Variants in ANKLE2 observed in about 807,000 individuals in gnomAD.
ANKLE2 encodes the protein ankyrin repeat and LEM domain containing 2.
In ANKLE2, 55 loss-of-function variants were observed where a neutral mutation model predicts 84.2. The ratio of observed to expected loss-of-function variants is 0.65; its 90% CI spans 0.53 to 0.82. ANKLE2 has a LOEUF of 0.82. Among genes scored for constraint, ANKLE2 ranks in the 40% least tolerant of loss-of-function variants. The pLI is 0.00. For synonymous variants in ANKLE2, 551 were observed against 486.1 expected, an observed-to-expected ratio of 1.13 and a Z score of -1.76; for missense variants, 1,238 against 1,201.9, an observed-to-expected ratio of 1.03 and a Z score of -0.44.
chr12:132,740,059 G>A (rs960618273), intron 7 of ANKLE2, among the ~76,000 whole-genome samples: 4 of 152,248 alleles, frequency 2.6e-5, no homozygotes, highest in African/African-American at 4.8e-5. Context: ...TAATGTCAGC[G>A]TTGCAAAGCA....
intron 2 of ANKLE2, among the ~76,000 whole-genome samples, chr12:132,752,233 G>A (rs1176332959): frequency 1.3e-5 from 2 of 152,110 alleles, no homozygotes; most frequent in Non-Finnish European, 2.9e-5. Context: ...CTAGCTACTC[G>A]GGAGGCTGCA....
Position 132,748,108 on chromosome 12 carries a change from CACCTGCCCGAGGGAACCGCCGAGACCT to C in ANKLE2, c.1041+3_1041+29del. On this transcript the variant is annotated splice_donor_5th_base_variant and intron_variant, in intron 4 of 12. Transcript: ENST00000357997. ...CTGCGATGGAACGGCCGGGACCGCA[CACCTGCCCGAGGGAACCGCCGAGACCT>C]ACCTGCACGATAGTGGGGTTGTCTC... 1 of 1,608,916 alleles carries C rather than the reference CACCTGCCCGAGGGAACCGCCGAGACCT, an allele frequency of 6.2e-7. No homozygotes were observed.
chr12:132,737,363 C>T (rs1028986693), intron 7 of ANKLE2: 5 of 313,668 alleles, frequency 1.6e-5, no homozygotes, highest in African/African-American at 6.3e-5. Flanking sequence ...ACTAAGGGGT[C>T]GGACCTGAGT....
In ANKLE2 at chr12:132,743,400, C is replaced by T. The variant is rs2136145740; in HGVS notation, c.1231-124G>A. 6 of 1,271,860 alleles carry T rather than the reference C, an allele frequency of 4.7e-6. No individual in the cohort carries two copies. Among genetic ancestry groups the T allele is most frequent in the South Asian group, 1.8e-5 (1 of 54,626 alleles). 78.8% of individuals were successfully genotyped at this position (1,271,860 alleles called of 1,614,324 possible). ...TTATTTTGAGACGGAGTCTCACTGG[C>T]GTGATCTTGGCTCACTGCAACCTCT... On this transcript the variant is annotated intron_variant, in intron 5 of 12. Coordinates refer to ENST00000357997, the MANE Select transcript of ANKLE2 (RefSeq NM_015114.3). The surrounding 1 kb of genome is among the most constrained non-coding windows in gnomAD (Gnocchi z 4.1).
intron 5 of ANKLE2, among the ~76,000 whole-genome samples, chr12:132,744,380 C>T (rs896067030): frequency 1.3e-5 from 2 of 152,158 alleles, no homozygotes; most frequent in African/African-American, 4.8e-5. Flanking sequence ...GTGAAGTGTC[C>T]GGTGGCATCG....
In ANKLE2 at chr12:132,730,102, T is replaced by C; in HGVS notation, c.2060A>G (p.Glu687Gly). The change falls in exon 11 of 13, where the codon GAA becomes GGA. Residue 687 changes from glutamate to glycine, a missense_variant. Glu to Gly is a moderately conservative substitution (Grantham distance 98). Around this residue, in one of 3 missense-constraint regions of ANKLE2, gnomAD observed 802 missense variants for 774.5 expected, o/e 1.04. Coordinates refer to ENST00000357997, the MANE Select transcript of ANKLE2 (RefSeq NM_015114.3). The stretch of plus-strand genomic sequence containing the variant: ...GTGTGGACCTCCCGGCTCGGCGGCT[T>C]CTATGAGGTCTGCCTCCTGCTCCAA... ...FPLEQEADLI[E>G]AAEPGGPHSS... 6.2e-7 allele frequency: 1 copy of C among 1,612,472 alleles called. No individual in the cohort carries two copies. The highest frequency in any genetic ancestry group is 2.2e-5 in the East Asian group (1 of 44,858).
chr12:132,734,741 T>G, intron 9 of ANKLE2, 166 bp from the exon 10 acceptor site: 1 of 675,610 alleles, frequency 1.5e-6, no homozygotes, highest in Non-Finnish European at 2.4e-6. Flanking sequence ...GTGCATTTTC[T>G]GAAACAGCAC....
Position 132,730,007 on chromosome 12 carries a change from G to T in ANKLE2, c.2155C>A (p.Pro719Thr), listed in dbSNP as rs201453405. The T allele has an allele frequency of 8.7e-5, 141 of 1,613,286 alleles. No individual in the cohort carries two copies. Among genetic ancestry groups the T allele is most frequent in the Non-Finnish European group, 1.2e-4 (136 of 1,179,918 alleles). ...GGCAGATGGGCTTCCTCCCCACGGG[G>T]GGCCTTTGGTCTCTTGCCCGCCAGG... ...RTLAGKRPKA[P>T]RGEEAHLPPV... Residue 719 changes from proline (P) to threonine (T), a missense_variant, in exon 11 of 13, where the codon CCC becomes ACC. This residue lies in a region of ANKLE2 where 802 missense variants were observed against 774.5 expected (regional missense o/e 1.04). Transcript: ENST00000357997.
intron 11 of ANKLE2, 63 bp downstream of exon 11, chr12:132,729,616 G>A: frequency 2.6e-6 from 1 of 388,238 alleles, no homozygotes. Context: ...GGAGGTGAGG[G>A]GAGGGGGAGG....
rs764605012 is a variant in ANKLE2 at position 132,730,254 on chromosome 12, G to A, written c.1908C>T (p.Ser636=). 14 of 1,562,420 alleles carry A rather than the reference G, an allele frequency of 9.0e-6. No homozygotes were observed. The highest frequency in any genetic ancestry group is 4.5e-5 in the East Asian group (2 of 44,356). Residue 636 remains serine, a synonymous_variant, in exon 11 of 13, where the codon TCC becomes TCT. Coordinates refer to ENST00000357997, the MANE Select transcript of ANKLE2 (RefSeq NM_015114.3). ...CATCTTCATCTAGAAACGCCCTCAC[G>A]GAAATGGAATTGCTGCCTGTGAGGA... is the stretch of plus-strand genomic sequence containing the variant. ...KATTSGSNSI[S]VRAFLDEDDM...
chr12:132,751,511 G>A (rs1357274125), intron 2 of ANKLE2, among the ~76,000 whole-genome samples: 4 of 152,004 alleles, frequency 2.6e-5, no homozygotes, highest in Admixed American at 2.6e-4. Context: ...AGAGTGCTGG[G>A]ATTACAGGTG....
Position 132,741,456 on chromosome 12 carries a change from AG to A in ANKLE2, c.1382del (p.Ser461LeufsTer4). 1 of 1,614,252 alleles carries A rather than the reference AG, an allele frequency of 6.2e-7. No individual in the cohort carries two copies. The highest frequency in any genetic ancestry group is 8.5e-7 in the Non-Finnish European group (1 of 1,180,052). On this transcript the variant is annotated frameshift_variant, in exon 7 of 13. Transcript: ENST00000357997. LOFTEE classifies it high-confidence loss of function. Reference protein sequence around the residue: ...DVICERSKNKSVELKERIREY... With the variant: ...DVICERSKNKXVELKERIREY... Reference sequence around the variant, plus strand: ...CTCTGATCCGCTCCTTCAGTTCCACAGATTTATTTTTGCTTCTTTCACAAAT... The same window carrying A: ...CTCTGATCCGCTCCTTCAGTTCCACAATTTATTTTTGCTTCTTTCACAAAT...
chr12:132,736,985 C>A lies in ANKLE2; in HGVS notation c.1501G>T (p.Ala501Ser). ...IGELWSPDQT[A>S]EASHVSRYGG... ...TAGCGGCTGACGTGAGAGGCCTCAG[C>A]CGTCTGGTCTGGGGACCACAGCTCC... The change falls in exon 8 of 13, where the codon GCT (alanine) becomes TCT (serine). Residue 501 changes from alanine to serine, a missense_variant. Coordinates refer to ENST00000357997, the MANE Select transcript of ANKLE2 (RefSeq NM_015114.3). The A allele has an allele frequency of 6.2e-7, 1 of 1,613,846 alleles. No homozygotes were observed. The highest frequency in any genetic ancestry group is 2.2e-5 in the East Asian group (1 of 44,872).
chr12:132,732,608 C>T (rs1468416803), intron 10 of ANKLE2, among the ~76,000 whole-genome samples: 1 of 134,214 alleles, frequency 7.5e-6, no homozygotes, highest in South Asian at 2.4e-4. Context: ...GTGTGAAGCT[C>T]TCTGCGTCCT....
Position 132,727,218 on chromosome 12 carries a change from C to A in ANKLE2, c.*24G>T. On this transcript the variant is annotated 3_prime_UTR_variant, in exon 13 of 13. Transcript: ENST00000357997. Reference sequence around the variant, plus strand: ...CCCTTCCTTCTTTAAAAATGAAGAACAAACCGAGAGCCCAGCGCCAAGCCT... The same window carrying A: ...CCCTTCCTTCTTTAAAAATGAAGAAAAAACCGAGAGCCCAGCGCCAAGCCT... 1 of 1,515,010 alleles carries A rather than the reference C, an allele frequency of 6.6e-7. No homozygotes were observed. The highest frequency in any genetic ancestry group is 1.2e-5 in the South Asian group (1 of 81,158). 93.8% of individuals were successfully genotyped at this position (1,515,010 alleles called of 1,614,324 possible). A position where few individuals can be genotyped will look rare whatever the true frequency, so the allele number is the denominator to read the frequency against.
At chr12:132,755,266 G>A in intron 1 of ANKLE2, 133 bp from the exon 2 acceptor site, 3 of 844,122 alleles carry the variant, frequency 3.6e-6, no homozygotes, top group Non-Finnish European at 5.3e-6. Context: ...TTTCTTGGCT[G>A]GACGCGGTGG....
At position 132,732,401 on chromosome 12, in the gene ANKLE2, A is replaced by G. The variant is rs1403353152; in HGVS notation, c.1891+1984T>C. The stretch of plus-strand genomic sequence containing the variant: ...AGCGCTCTGCGTGCTGGTGTCTGAT[A>G]CGCACCGTGTGAAGCTCTCTGCGTC... On this transcript the variant is annotated intron_variant, in intron 10 of 12. Coordinates refer to ENST00000357997, the MANE Select transcript of ANKLE2 (RefSeq NM_015114.3). Among the ~76,000 whole-genome samples, 114 of 134,384 alleles carry G rather than the reference A, an allele frequency of 8.5e-4. 1 individual carries two copies. Among genetic ancestry groups the G allele is most frequent in the African/African-American group, 3.4e-3 (106 of 30,970 alleles). 88.2% of individuals were successfully genotyped at this position (134,384 alleles called of 152,430 possible). A position where few individuals can be genotyped will look rare whatever the true frequency, so the allele number is the denominator to read the frequency against.
intron 10 of ANKLE2, among the ~76,000 whole-genome samples, chr12:132,732,364 T>C (rs1593141007): frequency 3.2e-5 from 4 of 123,692 alleles, no homozygotes; most frequent in Non-Finnish European, 6.7e-5. Flanking sequence ...TGGTGTCTGA[T>C]ACGCACTGTG....
intron 2 of ANKLE2, among the ~76,000 whole-genome samples, chr12:132,752,264 C>G (rs2044373467): frequency 6.6e-6 from 1 of 152,170 alleles, no homozygotes; most frequent in Admixed American, 6.5e-5. Context: ...CACTGGAACC[C>G]AAAAGGCAGA....
Sources: gnomAD v4.1 joint callset for allele counts (sites outside exome capture counted in the v4.1 genomes callset) on GRCh38, gnomAD v4.1.1 for gene constraint, gnomAD v4.1.1 regional missense constraint, Gnocchi (gnomAD v3.1) non-coding constraint, MANE v1.5 for transcripts, NCBI Gene and HGNC (gene_info 2026-07-23, HGNC 2026-07-21) for gene names.